DNAH12: variants seen among roughly 807,000 people sequenced by gnomAD.
DNAH12 encodes dynein axonemal heavy chain 12, also known as axonemal beta dynein heavy chain 12.
A neutral mutation model predicts 371.5 loss-of-function variants in DNAH12; 285 were observed. The ratio of observed to expected loss-of-function variants is 0.77; its 90% CI spans 0.70 to 0.85. The LOEUF (loss-of-function observed/expected upper bound fraction) is 0.85, where lower values mean the gene tolerates loss of function less well. Ranked by LOEUF, DNAH12 falls within the 40% of genes least tolerant of loss-of-function variation. The pLI is 0.00. For missense variants in DNAH12, 3,611 were observed against 3,689.4 expected, an observed-to-expected ratio of 0.98 and a Z score of 0.55; for synonymous variants, 1,200 against 1,213.0, an observed-to-expected ratio of 0.99 and a Z score of 0.22.
At position 57,500,161 on chromosome 3, in the gene DNAH12, C is replaced by CA. The variant is rs1553711825; in HGVS notation, c.1335+1159_1335+1160insT. On this transcript the variant is annotated intron_variant, in intron 11 of 73. Coordinates refer to ENST00000495027, the MANE Select transcript of DNAH12 (RefSeq NM_001366028.2). ...GTTCAAGCGATCCTACTCCTCAGCC[C>CA]CCCCTAGTAGCTGGGATTACAGGCA... 1.6e-4 allele frequency among the ~76,000 whole-genome samples: 24 copies of CA among 151,538 alleles called. No homozygotes were observed. In the South Asian group the frequency reaches 5.0e-3, roughly 32 times the overall value.
intron 29 of DNAH12, among the ~76,000 whole-genome samples, chr3:57,444,270 T>C (rs1314650602): frequency 6.6e-6 from 1 of 151,906 alleles, no homozygotes; most frequent in African/African-American, 2.4e-5. Context: ...GAACATTACT[T>C]TTTTTAATTT....
chr3:57,407,909 AG>A (rs1553681795), intron 40 of DNAH12, among the ~76,000 whole-genome samples: 13 of 152,210 alleles, frequency 8.5e-5, no homozygotes, highest in Middle Eastern at 3.2e-3. Context: ...GGGAAGATAG[AG>A]AGAAAAAACG....
rs1453526158 is a variant in DNAH12, at chr3:57,483,476, G to A, written c.1550C>T (p.Ala517Val). The change falls in exon 13 of 74, where the codon GCA becomes GTA. Residue 517 changes from alanine to valine, a missense_variant. By Grantham distance (64) the Ala-to-Val change is moderately conservative. Coordinates refer to ENST00000495027, the MANE Select transcript of DNAH12 (RefSeq NM_001366028.2). ...CSEFEAIKEH[A>V]LKVPETTEEM... Reference sequence around the variant, plus strand: ...TTCTGTTGTTTCAGGGACTTTTAATGCATGTTCTTTAATTGCTTCAAATTC... The same window carrying A: ...TTCTGTTGTTTCAGGGACTTTTAATACATGTTCTTTAATTGCTTCAAATTC... 2.6e-6 allele frequency: 4 copies of A among 1,550,898 alleles called. No homozygotes were observed. Among genetic ancestry groups the A allele is most frequent in the Non-Finnish European group, 3.5e-6 (4 of 1,146,730 alleles).
At chr3:57,449,369 G>T (rs1056087170) in intron 25 of DNAH12, among the ~76,000 whole-genome samples, 1 of 152,374 alleles carries the variant, frequency 6.6e-6, no homozygotes, top group Non-Finnish European at 1.5e-5. Flanking sequence ...TTGGGTGGTC[G>T]ATGGGACTGG....
At chr3:57,406,823 C>T (rs1448832443) in intron 40 of DNAH12, among the ~76,000 whole-genome samples, 2 of 152,062 alleles carry the variant, frequency 1.3e-5, no homozygotes, top group South Asian at 2.1e-4. Flanking sequence ...ACTGAATTCA[C>T]CAAATGAAGT....
intron 26 of DNAH12, 73 bp downstream of exon 26, chr3:57,446,464 G>T: frequency 6.9e-7 from 1 of 1,458,844 alleles, no homozygotes. Context: ...ACATGAGTTT[G>T]CTTCCATTTA....
rs552138109 is a variant in DNAH12 at position 57,523,919 on chromosome 3, T to C, written c.171-35A>G. ...ATAGTTAGAAATATGACTCTCTTGA[T>C]AACATTAGCATAAGTTACTAAAACA... On this transcript the variant is annotated intron_variant, in intron 2 of 73. Coordinates refer to ENST00000495027, the MANE Select transcript of DNAH12 (RefSeq NM_001366028.2). The C allele has an allele frequency of 4.9e-6, 7 of 1,428,750 alleles. No homozygotes were observed. The East Asian group carries it at 1.2e-4, about 24-fold the overall frequency. 88.5% of individuals were successfully genotyped at this position (1,428,750 alleles called of 1,614,324 possible).
intron 29 of DNAH12, among the ~76,000 whole-genome samples, chr3:57,443,068 G>A (rs990662210): frequency 3.3e-5 from 5 of 152,158 alleles, no homozygotes; most frequent in South Asian, 2.1e-4. Flanking sequence ...CATTAATTGC[G>A]TTAAATTGAA....
At chr3:57,361,305 C>T (rs1449195415) in intron 58 of DNAH12, among the ~76,000 whole-genome samples, 4 of 151,266 alleles carry the variant, frequency 2.6e-5, no homozygotes, top group East Asian at 1.9e-4. Context: ...GCTGAGATCA[C>T]GCCACTGCAC....
At position 57,483,483 on chromosome 3, in the gene DNAH12, C is replaced by T; in HGVS notation, c.1543G>A (p.Glu515Lys). Residue 515 changes from glutamate (E) to lysine (K), a missense_variant, in exon 13 of 74, where the codon GAA becomes AAA. Coordinates refer to ENST00000495027, the MANE Select transcript of DNAH12 (RefSeq NM_001366028.2). The part of the protein sequence containing the change: ...CICSEFEAIK[E>K]HALKVPETTE... ...GTTTCAGGGACTTTTAATGCATGTT[C>T]TTTAATTGCTTCAAATTCACTGCAA... 1 of 1,550,690 alleles carries T rather than the reference C, an allele frequency of 6.4e-7. No individual in the cohort carries two copies.
intron 9 of DNAH12, 89 bp downstream of exon 9, chr3:57,503,927 G>C: frequency 1.0e-6 from 1 of 1,002,540 alleles, no homozygotes; most frequent in Non-Finnish European, 1.4e-6. Context: ...ATAACAGAAA[G>C]AGTCATAACA....
chr3:57,456,823 C>T (rs2065914302), intron 22 of DNAH12, among the ~76,000 whole-genome samples: 2 of 152,100 alleles, frequency 1.3e-5, no homozygotes, highest in Admixed American at 6.6e-5. Flanking sequence ...GTAAATGCCA[C>T]CCATATGCTC....
chr3:57,302,567 A>ATGTTTTTTTTTTTTTT (rs2061380979), intron 69 of DNAH12, among the ~76,000 whole-genome samples: 1 of 27,480 alleles, frequency 3.6e-5, no homozygotes, highest in Non-Finnish European at 6.3e-5. Context: ...ATATATATGT[A>ATGTTTTTTTTTTTTTT]TTTTTTTTTT....
rs187392556 is a variant in DNAH12 at position 57,494,840 on chromosome 3, C to T, written c.1336-5153G>A. ...CCTAGGCAACATGGTGAAACCCCTT[C>T]TTTACAAAAAATACAAAAGTTATCC... is the stretch of plus-strand genomic sequence containing the variant. On this transcript the variant is annotated intron_variant, in intron 11 of 73. Coordinates refer to ENST00000495027, the MANE Select transcript of DNAH12 (RefSeq NM_001366028.2). Among the ~76,000 whole-genome samples the T allele has an allele frequency of 2.6e-5, 4 of 151,908 alleles. No homozygotes were observed. In the East Asian group the frequency reaches 7.8e-4, roughly 29 times the overall value.
intron 66 of DNAH12, among the ~76,000 whole-genome samples, chr3:57,311,229 C>T (rs1234556232): frequency 6.6e-6 from 1 of 152,118 alleles, no homozygotes; most frequent in Admixed American, 6.5e-5. Context: ...GAGTGTGCCA[C>T]CACGCCCAGC....
At chr3:57,365,445 C>G (rs1405038841) in intron 57 of DNAH12, among the ~76,000 whole-genome samples, 1 of 152,046 alleles carries the variant, frequency 6.6e-6, no homozygotes, top group Non-Finnish European at 1.5e-5. Flanking sequence ...ACAACACACA[C>G]TGGGGCCTGT....
At chr3:57,390,444 T>TATATATATACACATACATATAC (rs1575535120) in intron 45 of DNAH12, among the ~76,000 whole-genome samples, 1 of 91,198 alleles carries the variant, frequency 1.1e-5, no homozygotes, top group Non-Finnish European at 2.4e-5. Flanking sequence ...TATATATATA[T>TATATATATACACATACATATAC]ATATATACTT....
chr3:57,541,730 C>CTA (rs917581425), intron 2 of DNAH12, among the ~76,000 whole-genome samples: 4 of 151,626 alleles, frequency 2.6e-5, no homozygotes, highest in African/African-American at 9.7e-5. Flanking sequence ...TTTATATACC[C>CTA]TATAAATGTA....
chr3:57,527,362 AAG>A (rs537708055), intron 2 of DNAH12, among the ~76,000 whole-genome samples: 40 of 152,342 alleles, frequency 2.6e-4, no homozygotes, highest in Admixed American at 5.9e-4. Context: ...ATTTTTTAAA[AAG>A]AGAGAAATAT....
Sources: allele counts gnomAD v4.1 joint callset (sites outside exome capture counted in the v4.1 genomes callset), GRCh38; gene constraint gnomAD v4.1.1; transcripts MANE v1.5; gene names NCBI Gene and HGNC (gene_info 2026-07-23, HGNC 2026-07-21).